METTL8: variants seen among roughly 807,000 people sequenced by gnomAD.
METTL8 encodes the protein tRNA N(3)-cytidine methyltransferase METTL8, mitochondrial.
A neutral mutation model predicts 48.7 loss-of-function variants in METTL8; 32 were observed. That is an observed-to-expected ratio of 0.66 (90% CI 0.50 to 0.88). METTL8 has a LOEUF of 0.88. METTL8 is among the 40% of genes least tolerant of loss of function. The pLI is 0.00. For missense variants in METTL8, 464 were observed against 474.4 expected (o/e 0.98, Z 0.20); for synonymous variants, 136 against 157.1 (o/e 0.87, Z 1.01).
At chr2:171,391,937 G>T in intron 2 of METTL8, 106 bp downstream of exon 2, 1 of 1,146,258 alleles carries the variant, frequency 8.7e-7, no homozygotes, top group Non-Finnish European at 1.2e-6. Flanking sequence ...TACAACATGA[G>T]TTAGGTCATC....
At chr2:171,353,036 C>T (rs1031242166) in intron 3 of METTL8, among the ~76,000 whole-genome samples, 5 of 151,960 alleles carry the variant, frequency 3.3e-5, no homozygotes, top group African/African-American at 9.7e-5. Context: ...GCTCTTGCTT[C>T]TCTAGTTCTT....
At chr2:171,427,494 T>C (rs56392714) in intron 1 of METTL8, among the ~76,000 whole-genome samples, 2,688 of 152,304 alleles carry the variant, frequency 0.018, 77 homozygotes, top group African/African-American at 0.056. Context: ...AGTTTACCTC[T>C]CTCCTGCACA....
chr2:171,388,283 T>C (rs1688265126), intron 2 of METTL8, among the ~76,000 whole-genome samples: 1 of 152,208 alleles, frequency 6.6e-6, no homozygotes, highest in African/African-American at 2.4e-5. Flanking sequence ...TGTTACCAAA[T>C]ATATACACTT....
chr2:171,325,944 T>C (rs1182983660), intron 8 of METTL8, 38 bp from the exon 9 acceptor site: 1 of 1,456,214 alleles, frequency 6.9e-7, no homozygotes, highest in Non-Finnish European at 9.5e-7. Context: ...CTTAAGGGTA[T>C]TCCTTTAAAA....
intron 1 of METTL8, among the ~76,000 whole-genome samples, chr2:171,394,866 T>C (rs1468677442): frequency 6.6e-6 from 1 of 152,246 alleles, no homozygotes; most frequent in African/African-American, 2.4e-5. Flanking sequence ...AGTTACTTCA[T>C]ATTTTCCAGG....
chr2:171,395,297 G>A (rs1688950426), intron 1 of METTL8, among the ~76,000 whole-genome samples: 1 of 151,916 alleles, frequency 6.6e-6, no homozygotes. Flanking sequence ...GAAGAACAGA[G>A]GAATGAAAAA....
intron 1 of METTL8, among the ~76,000 whole-genome samples, chr2:171,408,065 G>A (rs897065989): frequency 2.0e-5 from 3 of 152,072 alleles, no homozygotes; most frequent in Non-Finnish European, 4.4e-5. Context: ...CTGTTAATTC[G>A]AGTTTTATTG....
chr2:171,349,940 C>T (rs72880561), intron 3 of METTL8, among the ~76,000 whole-genome samples: 32 of 151,974 alleles, frequency 2.1e-4, no homozygotes, highest in Non-Finnish European at 4.3e-4. Flanking sequence ...ACTGGTATAT[C>T]CATCAACCTA....
chr2:171,386,107 CTA>C (rs1688024811), intron 2 of METTL8, among the ~76,000 whole-genome samples: 1 of 152,162 alleles, frequency 6.6e-6, no homozygotes, highest in South Asian at 2.1e-4. Context: ...TTTCCTGAGT[CTA>C]TGACAAAACA....
At chr2:171,427,844 C>T (rs898928941) in intron 1 of METTL8, among the ~76,000 whole-genome samples, 5 of 152,146 alleles carry the variant, frequency 3.3e-5, no homozygotes, top group African/African-American at 1.2e-4. Context: ...TACTGCTATA[C>T]CCTATGCCAA....
At chr2:171,342,776 T>C (rs927892962) in intron 3 of METTL8, among the ~76,000 whole-genome samples, 2 of 152,210 alleles carry the variant, frequency 1.3e-5, no homozygotes, top group Non-Finnish European at 2.9e-5. Flanking sequence ...CAATTACCAG[T>C]AACTAGAATG....
In METTL8 at chr2:171,428,525, T is replaced by G. The variant is rs141388653; in HGVS notation, c.-13+5358A>C. Among the ~76,000 whole-genome samples, 301 of 152,226 alleles carry G rather than the reference T, an allele frequency of 2.0e-3. 7 individuals are homozygous for G. Among genetic ancestry groups the G allele is most frequent in the Admixed American group, 0.015 (233 of 15,282 alleles). On this transcript the variant is annotated intron_variant, in intron 1 of 9. Coordinates refer to ENST00000375258, the MANE Select transcript of METTL8 (RefSeq NM_001321154.2). ...AAAAAAAGTACTTAGCTGTTGATAA[T>G]AGATTCTATACAAACATATTGTTTT...
At chr2:171,379,516 C>T (rs1687301737) in intron 2 of METTL8, among the ~76,000 whole-genome samples, 1 of 148,416 alleles carries the variant, frequency 6.7e-6, no homozygotes, top group East Asian at 1.9e-4. Context: ...AGACTGCTAA[C>T]TAGACTAATA....
At chr2:171,366,239 G>C (rs746448898) in intron 2 of METTL8, among the ~76,000 whole-genome samples, 2 of 152,136 alleles carry the variant, frequency 1.3e-5, no homozygotes, top group Non-Finnish European at 2.9e-5. Flanking sequence ...AGCCACAGTG[G>C]AAAGATCTAT....
intron 1 of METTL8, among the ~76,000 whole-genome samples, chr2:171,429,214 C>A (rs537335365): frequency 1.3e-5 from 2 of 152,062 alleles, no homozygotes; most frequent in African/African-American, 4.8e-5. Context: ...TGAATTCACA[C>A]GTGTGTTTAG....
intron 2 of METTL8, among the ~76,000 whole-genome samples, chr2:171,363,817 T>TATATATATATATATGTATA (rs1228494441): frequency 1.5e-5 from 2 of 129,054 alleles, no homozygotes; most frequent in Admixed American, 7.8e-5. Context: ...TATATATATC[T>TATATATATATATATGTATA]TTTTTTTTTT....
Position 171,339,556 on chromosome 2 carries a change from T to C in METTL8, c.236-2A>G, listed in dbSNP as rs745687791. On this transcript the variant is annotated splice_acceptor_variant, in intron 3 of 9. Transcript: ENST00000375258. LOFTEE classifies it high-confidence loss of function. ...TACTAGCTTCTCTCTCATACTTAAC[T>C]AAAATAAAGAGGAAAAAGAAAGATT... 1.4e-6 allele frequency: 2 copies of C among 1,437,700 alleles called. No homozygotes were observed. Among genetic ancestry groups the C allele is most frequent in the African/African-American group, 1.4e-5 (1 of 70,000 alleles). 89.1% of individuals were successfully genotyped at this position (1,437,700 alleles called of 1,614,324 possible).
At chr2:171,391,856 A>G (rs1688608596) in intron 2 of METTL8, among the ~76,000 whole-genome samples, 187 bp downstream of exon 2, 1 of 152,346 alleles carries the variant, frequency 6.6e-6, no homozygotes, top group Non-Finnish European at 1.5e-5. Context: ...CACTCTTCCA[A>G]TTCCATTTGC....
Position 171,326,193 on chromosome 2 carries a change from T to G in METTL8, c.861-45A>C, listed in dbSNP as rs1370642874. Reference sequence around the variant, plus strand: ...AAAAGATACCCAGTTTGTAGAAATCTTGTTTTATATGCTGGATTTAACTTT... The same window carrying G: ...AAAAGATACCCAGTTTGTAGAAATCGTGTTTTATATGCTGGATTTAACTTT... On this transcript the variant is annotated intron_variant, in intron 7 of 9. Coordinates refer to ENST00000375258, the MANE Select transcript of METTL8 (RefSeq NM_001321154.2). 5 of 1,025,432 alleles carry G rather than the reference T, an allele frequency of 4.9e-6. No homozygotes were observed. In the Admixed American group the frequency reaches 1.3e-4, roughly 26 times the overall value. 63.5% of individuals were successfully genotyped at this position (1,025,432 alleles called of 1,614,324 possible).
Sources: allele counts gnomAD v4.1 joint callset (sites outside exome capture counted in the v4.1 genomes callset), GRCh38; gene constraint gnomAD v4.1.1; transcripts MANE v1.5; gene names NCBI Gene and HGNC (gene_info 2026-07-23, HGNC 2026-07-21).